KRT2: variants seen among roughly 807,000 people sequenced by gnomAD.
The protein encoded by KRT2 is keratin, type II cytoskeletal 2 epidermal.
KRT2 carries 37 observed loss-of-function variants against 48.5 expected under a neutral mutation model. The observed-to-expected ratio is 0.76, with a 90% CI of 0.59 to 1.00. KRT2 has a LOEUF of 1.00. Among genes scored for constraint, KRT2 ranks in the 50% least tolerant of loss-of-function variants. The probability of loss-of-function intolerance (pLI) is 0.00; values close to 1 mark genes in which losing one functional copy is unlikely to be tolerated. For missense variants in KRT2, 880 were observed against 815.2 expected, an observed-to-expected ratio of 1.08 and a Z score of -0.97; for synonymous variants, 324 against 312.2, an observed-to-expected ratio of 1.04 and a Z score of -0.40.
At chr12:52,646,175 C>A (rs997871550) in intron 7 of KRT2, among the ~76,000 whole-genome samples, 1 of 152,222 alleles carries the variant, frequency 6.6e-6, no homozygotes, top group Non-Finnish European at 1.5e-5. Flanking sequence ...ATTGCTTCAG[C>A]CAGATTAAGT....
intron 3 of KRT2, among the ~76,000 whole-genome samples, chr12:52,649,429 C>A (rs1166837658): frequency 6.6e-6 from 1 of 152,118 alleles, no homozygotes; most frequent in Non-Finnish European, 1.5e-5. Flanking sequence ...TTCCACAGTC[C>A]TCAGCTCTCT....
chr12:52,645,086 C>A lies in KRT2; in HGVS notation c.1853G>T (p.Gly618Val), dbSNP rs764751614. 5 of 1,614,016 alleles carry A rather than the reference C, an allele frequency of 3.1e-6. No individual in the cohort carries two copies. The South Asian group carries it at 5.5e-5, about 18-fold the overall frequency. ...TGAGCTACCCTTTACAGAGCTAGAA[C>A]CCCCACCTCCAGAGCCATATCCTCC... ...SGGGYGSGGG[G>V]SSSVKGSSGE... is the part of the protein sequence containing the mutation. The change falls in exon 9 of 9, where the codon GGT becomes GTT. Residue 618 changes from glycine (G) to valine (V), a missense_variant. Gly to Val is a moderately radical substitution (Grantham distance 109). Transcript: ENST00000309680.
At position 52,644,665 on chromosome 12, in the gene KRT2, G is replaced by A. The variant is rs138563926; in HGVS notation, c.*354C>T. On this transcript the variant is annotated 3_prime_UTR_variant, in exon 9 of 9. Coordinates refer to ENST00000309680, the MANE Select transcript of KRT2 (RefSeq NM_000423.3). ...CAGAAACACATTTCCCCCCAGCACT[G>A]CCAGGCTTAGAGATGAAATCCCTGG... is the stretch of plus-strand genomic sequence containing the variant. The A allele has an allele frequency of 1.3e-3, 448 of 351,248 alleles. 1 individual carries two copies. The highest frequency in any genetic ancestry group is 1.9e-3 in the Non-Finnish European group (353 of 188,308). 21.8% of individuals were successfully genotyped at this position (351,248 alleles called of 1,614,324 possible). A position where few individuals can be genotyped will look rare whatever the true frequency, so the allele number is the denominator to read the frequency against.
intron 7 of KRT2, among the ~76,000 whole-genome samples, chr12:52,646,278 A>C (rs574604277): frequency 1.3e-5 from 2 of 152,220 alleles, no homozygotes; most frequent in Non-Finnish European, 2.9e-5. Flanking sequence ...TCCATTTGTC[A>C]CTCCAGAAAC....
intron 6 of KRT2, among the ~76,000 whole-genome samples, chr12:52,647,407 C>G (rs866654054): frequency 4.6e-5 from 7 of 152,216 alleles, no homozygotes; most frequent in Admixed American, 2.0e-4. Flanking sequence ...TGAGCACAAA[C>G]GGGAAGCTCC....
At position 52,648,179 on chromosome 12, in the gene KRT2, G is replaced by A; in HGVS notation, c.1116C>T (p.His372=). 2 of 1,614,184 alleles carry A rather than the reference G, an allele frequency of 1.2e-6. No homozygotes were observed. Among genetic ancestry groups the A allele is most frequent in the Non-Finnish European group, 1.7e-6 (2 of 1,180,010 alleles). ...CTACATTCCCTCTACTTGCCTTGCT[G>A]TGGTACAGGGCCTCCGCTTCTTCCT... ...RSKEEAEALY[H]SKYEELQVTV... The change falls in exon 5 of 9, where the codon CAC becomes CAT. Residue 372 remains histidine, a synonymous_variant. Transcript: ENST00000309680.
rs57149265 is a variant in KRT2 at position 52,651,842 on chromosome 12, T to TGCCGCCTCCAAAGCC, written c.300_301insGGCTTTGGAGGCGGC (p.Ser100_Ser101insGlyPheGlyGlyGly). On this transcript the variant is annotated inframe_insertion, in exon 1 of 9. Coordinates refer to ENST00000309680, the MANE Select transcript of KRT2 (RefSeq NM_000423.3). Reference sequence around the variant, plus strand: ...CTGAAGCCGCTGCCACCTCCAAAGCTGCTGCCGCCTCCAAAACCACCTCCT... The same window carrying TGCCGCCTCCAAAGCC: ...CTGAAGCCGCTGCCACCTCCAAAGCTGCCGCCTCCAAAGCCGCTGCCGCCTCCAAAACCACCTCCT... The TGCCGCCTCCAAAGCC allele has an allele frequency of 0.21, 339,161 of 1,595,144 alleles. 40,725 individuals are homozygous for TGCCGCCTCCAAAGCC. Among genetic ancestry groups the TGCCGCCTCCAAAGCC allele is most frequent in the East Asian group, 0.56 (24,627 of 43,866 alleles).
rs759127794 is a variant in KRT2, at chr12:52,647,820, T to C, written c.1158A>G (p.Gly386=). The part of the protein sequence containing the change: ...EELQVTVGRH[G]DSLKEIKIEI... ...CTATCTTGATCTCTTTCAGGCTGTC[T>C]CCATGTCTCCCGACAGTCACCTGGA... The change falls in exon 6 of 9, where the codon GGA becomes GGG. Residue 386 remains glycine (G), a synonymous_variant. Coordinates refer to ENST00000309680, the MANE Select transcript of KRT2 (RefSeq NM_000423.3). 1.9e-6 allele frequency: 3 copies of C among 1,614,112 alleles called. No homozygotes were observed. Among genetic ancestry groups the C allele is most frequent in the Admixed American group, 3.3e-5 (2 of 60,024 alleles).
chr12:52,647,183 T>A (rs546243768), intron 6 of KRT2, among the ~76,000 whole-genome samples: 158 of 152,298 alleles, frequency 1.0e-3, no homozygotes, highest in African/African-American at 3.6e-3. Context: ...TGCCCTTTGA[T>A]CCTCACATCA....
At position 52,648,176 on chromosome 12, in the gene KRT2, G is replaced by A; in HGVS notation, c.1119C>T (p.Ser373=). 1.2e-6 allele frequency: 2 copies of A among 1,614,102 alleles called. No individual in the cohort carries two copies. Among genetic ancestry groups the A allele is most frequent in the Non-Finnish European group, 1.7e-6 (2 of 1,179,956 alleles). Residue 373 remains serine (S), a synonymous_variant, in exon 5 of 9, where the codon AGC becomes AGT. Coordinates refer to ENST00000309680, the MANE Select transcript of KRT2 (RefSeq NM_000423.3). ...SKEEAEALYH[S]KYEELQVTVG... is the part of the protein sequence containing the mutation. ...TTCCTACATTCCCTCTACTTGCCTT[G>A]CTGTGGTACAGGGCCTCCGCTTCTT...
rs1314574252 is a variant in KRT2, at chr12:52,645,329, C to T, written c.1610G>A (p.Ser537Asn). The change falls in exon 9 of 9, where the codon AGC (serine) becomes AAC (asparagine). Residue 537 changes from serine to asparagine, a missense_variant. Transcript: ENST00000309680. ...SSGGGYSSGS[S>N]SYGSGGRQSG... is the part of the protein sequence containing the mutation. Reference sequence around the variant, plus strand: ...CTGTCGGCCTCCAGAGCCATAACTGCTGCTTCCAGAGCTGTATCCTCCTCC... The same window carrying T: ...CTGTCGGCCTCCAGAGCCATAACTGTTGCTTCCAGAGCTGTATCCTCCTCC... 6.2e-7 allele frequency: 1 copy of T among 1,614,110 alleles called. No individual in the cohort carries two copies. The highest frequency in any genetic ancestry group is 8.5e-7 in the Non-Finnish European group (1 of 1,180,036).
intron 3 of KRT2, among the ~76,000 whole-genome samples, chr12:52,649,702 C>G (rs1941219935): frequency 6.6e-6 from 1 of 152,214 alleles, no homozygotes; most frequent in Non-Finnish European, 1.5e-5. Flanking sequence ...GGGAAGCACT[C>G]TACCAAAAAT....
intron 5 of KRT2, 57 bp from the exon 6 acceptor site, chr12:52,647,912 A>G (rs1290967811): frequency 1.9e-6 from 3 of 1,610,106 alleles, no homozygotes; most frequent in Non-Finnish European, 2.5e-6. Flanking sequence ...CTCACATTCC[A>G]GACTGACTGG....
At chr12:52,646,597 T>TG (rs1391273971) in intron 7 of KRT2, 143 bp downstream of exon 7, 2 of 844,676 alleles carry the variant, frequency 2.4e-6, no homozygotes, top group Non-Finnish European at 3.9e-6. Flanking sequence ...AGTTTCTGCT[T>TG]GGGGAACACA....
At position 52,649,099 on chromosome 12, in the gene KRT2, C is replaced by T. The variant is rs760110296; in HGVS notation, c.865G>A (p.Val289Met). Residue 289 changes from valine (V) to methionine (M), a missense_variant, in exon 4 of 9, where the codon GTG (valine) becomes ATG (methionine). Physicochemically the swap from Val to Met is conservative, Grantham distance 21. Transcript: ENST00000309680. ...ENDFVTLKKD[V>M]DNAYMIKVEL... is the part of the protein sequence containing the mutation. ...ACCTTTATCATGTAGGCATTGTCCACGTCCTGCAAGAAAGGTTGAGGCCTC... is the reference window on the plus strand; with the variant it reads ...ACCTTTATCATGTAGGCATTGTCCATGTCCTGCAAGAAAGGTTGAGGCCTC... 16 of 1,607,070 alleles carry T rather than the reference C, an allele frequency of 1.0e-5. No individual in the cohort carries two copies. The highest frequency in any genetic ancestry group is 8.0e-5 in the African/African-American group (6 of 74,756).
Position 52,650,368 on chromosome 12 carries a change from C to A in KRT2, c.771G>T (p.Met257Ile), listed in dbSNP as rs1444602491. 2 of 1,614,204 alleles carry A rather than the reference C, an allele frequency of 1.2e-6. No individual in the cohort carries two copies. The highest frequency in any genetic ancestry group is 2.2e-5 in the South Asian group (2 of 91,090). ...RTSQNSELNN[M>I]QDLVEDYKKK... Reference sequence around the variant, plus strand: ...TCTTATAATCCTCCACAAGATCCTGCATGTTATTCAGCTCTGAATTCTGTG... The same window carrying A: ...TCTTATAATCCTCCACAAGATCCTGAATGTTATTCAGCTCTGAATTCTGTG... Residue 257 changes from methionine (M) to isoleucine (I), a missense_variant, in exon 2 of 9, where the codon ATG becomes ATT. Met to Ile is a conservative substitution (Grantham distance 10). Transcript: ENST00000309680.
chr12:52,652,137 A>C lies in KRT2; in HGVS notation c.6T>G (p.Ser2Arg). 1 of 1,542,660 alleles carries C rather than the reference A, an allele frequency of 6.5e-7. No individual in the cohort carries two copies. ...CTCGAGATTTGCAAGAGATCTGACA[A>C]CTCATGATGCCTTTGTCCAGGGAGG... Reference protein sequence around the residue: MSCQISCKSRGR... With the variant: MRCQISCKSRGR... The change falls in exon 1 of 9, where the codon AGT becomes AGG. Residue 2 changes from serine to arginine, a missense_variant. Physicochemically the swap from Ser to Arg is moderately radical, Grantham distance 110. Transcript: ENST00000309680.
In KRT2 at chr12:52,651,839, A is replaced by AGCC. The variant is rs56850150; in HGVS notation, c.303_304insGGC (p.Ser101_Phe102insGly). On this transcript the variant is annotated inframe_insertion, in exon 1 of 9. Transcript: ENST00000309680. Reference sequence around the variant, plus strand: ...CCACTGAAGCCGCTGCCACCTCCAAAGCTGCTGCCGCCTCCAAAACCACCT... The same window carrying AGCC: ...CCACTGAAGCCGCTGCCACCTCCAAAGCCGCTGCTGCCGCCTCCAAAACCACCT... The AGCC allele has an allele frequency of 0.21, 338,589 of 1,602,320 alleles. 40,606 individuals carry two copies. Among genetic ancestry groups the AGCC allele is most frequent in the East Asian group, 0.56 (24,531 of 43,984 alleles).
At chr12:52,649,847 G>T in intron 3 of KRT2, 67 bp downstream of exon 3, 1 of 1,222,900 alleles carries the variant, frequency 8.2e-7, no homozygotes, top group Non-Finnish European at 1.2e-6. Flanking sequence ...CAAACTGGCT[G>T]CTTAGACACA....
Sources: allele counts gnomAD v4.1 joint callset (sites outside exome capture counted in the v4.1 genomes callset), GRCh38; gene constraint gnomAD v4.1.1; transcripts MANE v1.5; gene names NCBI Gene and HGNC (gene_info 2026-07-23, HGNC 2026-07-21).